The following FAM107B variants were observed in gnomAD, a reference collection of about 807,000 sequenced individuals.
FAM107B encodes family with sequence similarity 107 member B, also known as protein FAM107B.
FAM107B carries 21 observed loss-of-function variants against 31.5 expected under a neutral mutation model. The observed-to-expected ratio is 0.67, with a 90% CI of 0.47 to 0.96. The LOEUF (loss-of-function observed/expected upper bound fraction) is 0.96. FAM107B is among the 40% of genes least tolerant of loss of function. The probability of loss-of-function intolerance (pLI) is 0.00; values close to 1 mark genes in which losing one functional copy is unlikely to be tolerated. For missense variants in FAM107B, 452 were observed against 377.1 expected, an observed-to-expected ratio of 1.20 and a Z score of -1.64; for synonymous variants, 157 against 141.5, an observed-to-expected ratio of 1.11 and a Z score of -0.78.
chr10:14,604,454 G>GGCGGC (rs1484137219), intron 2 of FAM107B: 6 of 154,522 alleles, frequency 3.9e-5, no homozygotes, highest in African/African-American at 1.5e-4. Flanking sequence ...GGAGGGGCGG[G>GGCGGC]GCGGCAAGGC....
At chr10:14,568,709 G>A (rs1018771753) in intron 2 of FAM107B, among the ~76,000 whole-genome samples, 1 of 152,240 alleles carries the variant, frequency 6.6e-6, no homozygotes, top group Admixed American at 6.5e-5. Context: ...ACCAGGAGGT[G>A]AAGATACTGG....
At chr10:14,581,631 T>C (rs1337613516) in intron 2 of FAM107B, among the ~76,000 whole-genome samples, 1 of 152,220 alleles carries the variant, frequency 6.6e-6, no homozygotes, top group Non-Finnish European at 1.5e-5. Flanking sequence ...CCAGGCGCGG[T>C]GGCTCATACT....
Position 14,569,441 on chromosome 10 carries a change from C to T in FAM107B, c.470-38926G>A, listed in dbSNP as rs182486729. 6.6e-5 allele frequency among the ~76,000 whole-genome samples: 10 copies of T among 151,882 alleles called. No individual in the cohort carries two copies. The East Asian group carries it at 1.8e-3, about 27-fold the overall frequency. ...CATGCATGCATGCACACATGTGTTA[C>T]GTTAAGATCATAACATGTGGTGATC... On this transcript the variant is annotated intron_variant, in intron 2 of 4. Coordinates refer to ENST00000181796, the MANE Select transcript of FAM107B (RefSeq NM_031453.4).
At chr10:14,572,736 A>ATAT (rs1455058375) in intron 2 of FAM107B, among the ~76,000 whole-genome samples, 2 of 86,488 alleles carry the variant, frequency 2.3e-5, no homozygotes, top group African/African-American at 8.0e-5. Flanking sequence ...AAAAAAAAAA[A>ATAT]ATTTATATAT....
chr10:14,717,378 A>T (rs1855804273), intron 1 of FAM107B, among the ~76,000 whole-genome samples: 1 of 152,172 alleles, frequency 6.6e-6, no homozygotes. Context: ...GTCTCCCAGT[A>T]GGCATCAGCA....
At chr10:14,560,009 C>T (rs758163918) in intron 2 of FAM107B, among the ~76,000 whole-genome samples, 1 of 152,158 alleles carries the variant, frequency 6.6e-6, no homozygotes, top group Non-Finnish European at 1.5e-5. Flanking sequence ...TTAACAAACG[C>T]ACAACCCTTG....
chr10:14,719,522 C>T (rs745544066), intron 1 of FAM107B, among the ~76,000 whole-genome samples: 4 of 152,124 alleles, frequency 2.6e-5, no homozygotes, highest in Non-Finnish European at 4.4e-5. Flanking sequence ...TTCCAGGGAA[C>T]ACACGCCGGT....
chr10:14,621,758 C>T (rs896140575), intron 2 of FAM107B, among the ~76,000 whole-genome samples: 8 of 152,068 alleles, frequency 5.3e-5, no homozygotes, highest in East Asian at 3.9e-4. Context: ...CCTTCCCAGC[C>T]GATGTGGGGT....
intron 2 of FAM107B, among the ~76,000 whole-genome samples, chr10:14,590,338 T>G (rs1310230323): frequency 6.6e-6 from 1 of 152,238 alleles, no homozygotes; most frequent in African/African-American, 2.4e-5. Context: ...GCACGACTCC[T>G]CAGAATGAGA....
In FAM107B at chr10:14,621,513, C is replaced by A. The variant is rs558421875; in HGVS notation, c.469+46121G>T. On this transcript the variant is annotated intron_variant, in intron 2 of 4. Transcript: ENST00000181796. Reference sequence around the variant, plus strand: ...CTAGACATAAGCCAACGCCACAGGGCAAGGAAAAATTAAAACAAGACATTT... The same window carrying A: ...CTAGACATAAGCCAACGCCACAGGGAAAGGAAAAATTAAAACAAGACATTT... Among the ~76,000 whole-genome samples the A allele has an allele frequency of 6.0e-4, 91 of 152,120 alleles. 1 individual carries two copies. The highest frequency in any genetic ancestry group is 6.8e-3 in the Middle Eastern group (2 of 294).
At chr10:14,637,298 C>G (rs1323212958) in intron 2 of FAM107B, among the ~76,000 whole-genome samples, 1 of 152,104 alleles carries the variant, frequency 6.6e-6, no homozygotes, top group Non-Finnish European at 1.5e-5. Flanking sequence ...AGAATAATAT[C>G]CTCCTCTTGA....
intron 2 of FAM107B, among the ~76,000 whole-genome samples, chr10:14,624,152 T>A (rs1853092346): frequency 6.6e-6 from 1 of 151,884 alleles, no homozygotes; most frequent in South Asian, 2.1e-4. Flanking sequence ...CCACAGAGGA[T>A]CATTAAAAAA....
chr10:14,581,045 G>C (rs1235880072), intron 2 of FAM107B, among the ~76,000 whole-genome samples: 2 of 152,242 alleles, frequency 1.3e-5, no homozygotes, highest in African/African-American at 4.8e-5. Flanking sequence ...GGAAACAGCA[G>C]ATACAAAACC....
At chr10:14,663,144 G>A (rs904964603) in intron 2 of FAM107B, among the ~76,000 whole-genome samples, 5 of 152,200 alleles carry the variant, frequency 3.3e-5, no homozygotes, top group African/African-American at 1.2e-4. Context: ...CAGGCCTTCG[G>A]CCACAGACTG....
intron 2 of FAM107B, among the ~76,000 whole-genome samples, chr10:14,579,332 T>C (rs927662768): frequency 5.3e-5 from 8 of 152,224 alleles, no homozygotes; most frequent in Admixed American, 2.6e-4. Context: ...CTAAACTCTT[T>C]TGGAAACAGC....
chr10:14,648,329 G>C (rs1158618347), intron 2 of FAM107B, among the ~76,000 whole-genome samples: 1 of 152,192 alleles, frequency 6.6e-6, no homozygotes, highest in Non-Finnish European at 1.5e-5. Context: ...TTTGCTGACA[G>C]GCAGCATGAA....
intron 3 of FAM107B, among the ~76,000 whole-genome samples, chr10:14,524,167 G>A (rs895755350): frequency 6.6e-6 from 1 of 151,526 alleles, no homozygotes; most frequent in South Asian, 2.1e-4. Flanking sequence ...TCAGCCTCCC[G>A]AGGAGCTGGG....
intron 2 of FAM107B, among the ~76,000 whole-genome samples, chr10:14,600,493 C>T (rs1852357098): frequency 6.6e-6 from 1 of 151,640 alleles, no homozygotes; most frequent in African/African-American, 2.4e-5. Flanking sequence ...GACATTTCCA[C>T]CATCAGAAAC....
At position 14,719,972 on chromosome 10, in the gene FAM107B, G is replaced by C. The variant is rs150705464; in HGVS notation, c.412-52281C>G. On this transcript the variant is annotated intron_variant, in intron 1 of 4. Transcript: ENST00000181796. ...CTCTTTTCCTCACTGGGCCCTGACG[G>C]ACTGGGTACCCCACAGAGAAAATGT... Among the ~76,000 whole-genome samples the C allele has an allele frequency of 3.6e-3, 517 of 141,658 alleles. 12 individuals are homozygous for C. In the East Asian group the frequency reaches 0.046, roughly 13 times the overall value. The allele number at this position is 141,658 out of a possible 152,430, so 92.9% of individuals were successfully genotyped here.
Sources: gnomAD v4.1 joint callset for allele counts (sites outside exome capture counted in the v4.1 genomes callset) on GRCh38, gnomAD v4.1.1 for gene constraint, MANE v1.5 for transcripts, NCBI Gene and HGNC (gene_info 2026-07-23, HGNC 2026-07-21) for gene names.